XIRP2: variants seen among roughly 807,000 people sequenced by gnomAD.
The protein encoded by XIRP2 is xin actin binding repeat containing 2, also known as xin actin-binding repeat-containing protein 2.
In XIRP2, 236 loss-of-function variants were observed where a neutral mutation model predicts 277.0. The observed-to-expected ratio is 0.85, with a 90% CI of 0.77 to 0.95. The LOEUF (loss-of-function observed/expected upper bound fraction) is 0.95. XIRP2 is among the 40% of genes least tolerant of loss of function. XIRP2 has a pLI of 0.00. For synonymous variants in XIRP2, 1,490 were observed against 1,416.5 expected, an observed-to-expected ratio of 1.05 and a Z score of -1.17; for missense variants, 4,640 against 4,157.5, an observed-to-expected ratio of 1.12 and a Z score of -3.19.
At chr2:167,037,513 T>G (rs984865497) in intron 2 of XIRP2, among the ~76,000 whole-genome samples, 2 of 136,632 alleles carry the variant, frequency 1.5e-5, no homozygotes, top group African/African-American at 5.9e-5. Flanking sequence ...TTTTTTCATG[T>G]GGGGGGTGTG....
chr2:167,043,196 A>G (rs1416594654), intron 2 of XIRP2, among the ~76,000 whole-genome samples: 1 of 152,164 alleles, frequency 6.6e-6, no homozygotes, highest in Non-Finnish European at 1.5e-5. Flanking sequence ...GTCAAGAGGA[A>G]AGTTTATAGT....
intron 5 of XIRP2, among the ~76,000 whole-genome samples, chr2:167,219,112 G>A (rs954604685): frequency 7.9e-5 from 12 of 152,126 alleles, no homozygotes; most frequent in Non-Finnish European, 1.2e-4. Flanking sequence ...AAGCAATTGC[G>A]TGCTATGTGT....
intron 2 of XIRP2, 66 bp from the exon 3 acceptor site, chr2:167,135,843 C>G (rs554024277): frequency 7.2e-6 from 10 of 1,391,634 alleles, no homozygotes; most frequent in Admixed American, 2.7e-5. Context: ...TTCTAACCCC[C>G]CTAAAAAACA....
In XIRP2 at chr2:167,023,379, C is replaced by T. The variant is rs550304747; in HGVS notation, c.409-112530C>T. On this transcript the variant is annotated intron_variant, in intron 2 of 10. Coordinates refer to ENST00000409195, the MANE Select transcript of XIRP2 (RefSeq NM_152381.6). ...AGCCCTTTGTCAGATGAGTAGGTTG[C>T]AAAAATTTTCTCCCATTTTGTAGGT... Among the ~76,000 whole-genome samples the T allele has an allele frequency of 7.2e-3, 1,097 of 151,942 alleles. 7 individuals carry two copies. The highest frequency in any genetic ancestry group is 9.2e-3 in the Non-Finnish European group (625 of 67,964).
In XIRP2 at chr2:167,244,293, G is replaced by A. The variant is rs1181901330; in HGVS notation, c.2901G>A (p.Glu967=). The change falls in exon 9 of 11, where the codon GAG becomes GAA. Residue 967 remains glutamate (E), a synonymous_variant. Coordinates refer to ENST00000409195, the MANE Select transcript of XIRP2 (RefSeq NM_152381.6). ...LIKFDASHKI[E]VEGVTRGAVE... is the part of the protein sequence containing the mutation. ...AATTTGATGCATCACATAAAATAGAGGTGGAAGGAGTTACAAGAGGTGCTG... is the reference window on the plus strand; with the variant it reads ...AATTTGATGCATCACATAAAATAGAAGTGGAAGGAGTTACAAGAGGTGCTG... The A allele has an allele frequency of 6.2e-7, 1 of 1,613,818 alleles. No individual in the cohort carries two copies.
At chr2:166,918,344 G>C (rs1300767145) in intron 2 of XIRP2, among the ~76,000 whole-genome samples, 1 of 152,032 alleles carries the variant, frequency 6.6e-6, no homozygotes, top group Admixed American at 6.6e-5. Flanking sequence ...CCCAGTTAAA[G>C]ACCAAAATTT....
rs929534695 is a variant in XIRP2 at position 166,938,241 on chromosome 2, A to T, written c.408+34351A>T. On this transcript the variant is annotated intron_variant, in intron 2 of 10. Coordinates refer to ENST00000409195, the MANE Select transcript of XIRP2 (RefSeq NM_152381.6). The stretch of plus-strand genomic sequence containing the variant: ...TCTCTTGTGGGCATTTAGTGCTGTA[A>T]ATTTCCCTCTACACACTGCTTTATC... 3.3e-5 allele frequency among the ~76,000 whole-genome samples: 5 copies of T among 152,062 alleles called. No individual in the cohort carries two copies. The East Asian group carries it at 9.6e-4, about 29-fold the overall frequency.
intron 2 of XIRP2, among the ~76,000 whole-genome samples, chr2:167,067,948 A>T (rs1488318166): frequency 6.6e-6 from 1 of 152,178 alleles, no homozygotes; most frequent in Non-Finnish European, 1.5e-5. Flanking sequence ...AAAGACTTGG[A>T]AAGTCTTTCT....
chr2:166,955,301 A>C (rs937428872), intron 2 of XIRP2, among the ~76,000 whole-genome samples: 1 of 151,984 alleles, frequency 6.6e-6, no homozygotes, highest in African/African-American at 2.4e-5. Context: ...TAAGTGAAAA[A>C]AGGGAAACAC....
At chr2:167,190,505 A>G (rs373225729) in intron 3 of XIRP2, among the ~76,000 whole-genome samples, 5 of 152,236 alleles carry the variant, frequency 3.3e-5, no homozygotes, top group African/African-American at 1.2e-4. Flanking sequence ...TTATTATAAC[A>G]TGTATTATTA....
intron 5 of XIRP2, among the ~76,000 whole-genome samples, chr2:167,224,486 A>G (rs1488749315): frequency 6.6e-6 from 1 of 151,704 alleles, no homozygotes; most frequent in African/African-American, 2.4e-5. Flanking sequence ...AGCTCAAGTG[A>G]TCTACCGACT....
rs182682649 is a variant in XIRP2, at chr2:167,205,323, C to A, written c.563-5412C>A. 1.4e-3 allele frequency among the ~76,000 whole-genome samples: 213 copies of A among 152,084 alleles called. 1 individual carries two copies. Among genetic ancestry groups the A allele is most frequent in the South Asian group, 3.3e-3 (16 of 4,788 alleles). On this transcript the variant is annotated intron_variant, in intron 3 of 10. Coordinates refer to ENST00000409195, the MANE Select transcript of XIRP2 (RefSeq NM_152381.6). ...TTTAGTGAGAATGAATATAAATAAA[C>A]CTTATCAATTATATGATTACTTATA...
At chr2:167,037,519 G>T (rs1688542075) in intron 2 of XIRP2, among the ~76,000 whole-genome samples, 2 of 76,356 alleles carry the variant, frequency 2.6e-5, no homozygotes, top group Non-Finnish European at 5.5e-5. Context: ...CATGTGGGGG[G>T]TGTGTGTGTG....
chr2:166,903,304 G>T (rs1370642526), intron 1 of XIRP2, among the ~76,000 whole-genome samples, 161 bp from the exon 2 acceptor site: 1 of 152,028 alleles, frequency 6.6e-6, no homozygotes, highest in Non-Finnish European at 1.5e-5. Flanking sequence ...AACGTTGTGG[G>T]GTGAAGTGAA....
At chr2:167,025,834 T>C (rs1336193871) in intron 2 of XIRP2, among the ~76,000 whole-genome samples, 9 of 152,054 alleles carry the variant, frequency 5.9e-5, no homozygotes, top group African/African-American at 9.7e-5. Flanking sequence ...TTGTTATAAT[T>C]TCTGTTCTTT....
At chr2:167,011,090 C>G (rs1687665198) in intron 2 of XIRP2, among the ~76,000 whole-genome samples, 1 of 150,712 alleles carries the variant, frequency 6.6e-6, no homozygotes, top group Non-Finnish European at 1.5e-5. Context: ...TTGCCCTGGC[C>G]AGAACTTCCA....
intron 2 of XIRP2, among the ~76,000 whole-genome samples, chr2:167,026,632 T>C (rs188651478): frequency 4.6e-5 from 7 of 152,288 alleles, no homozygotes; most frequent in African/African-American, 1.4e-4. Context: ...CTTCAGGAGC[T>C]CTTTTAGGGC....
At chr2:167,174,103 C>G (rs1424629905) in intron 3 of XIRP2, among the ~76,000 whole-genome samples, 1 of 152,098 alleles carries the variant, frequency 6.6e-6, no homozygotes, top group African/African-American at 2.4e-5. Context: ...TGCCAGGTTT[C>G]AGTATCAAGA....
At chr2:167,009,135 C>T (rs1253467794) in intron 2 of XIRP2, among the ~76,000 whole-genome samples, 1 of 151,648 alleles carries the variant, frequency 6.6e-6, no homozygotes, top group East Asian at 1.9e-4. Context: ...CATATGTATA[C>T]ATGTGCCCTG....
Sources: allele counts gnomAD v4.1 joint callset (sites outside exome capture counted in the v4.1 genomes callset), GRCh38; gene constraint gnomAD v4.1.1; transcripts MANE v1.5; gene names NCBI Gene and HGNC (gene_info 2026-07-23, HGNC 2026-07-21).